Variants in METTL16 observed in about 807,000 individuals in gnomAD.
METTL16 encodes the protein methyltransferase 16, RNA N6-adenosine.
METTL16 carries 19 observed loss-of-function variants against 57.9 expected under a neutral mutation model. The observed-to-expected ratio is 0.33, with a 90% CI of 0.23 to 0.48. The LOEUF (loss-of-function observed/expected upper bound fraction) is 0.48. METTL16 is among the 20% of genes least tolerant of loss of function. The pLI is 0.99. For synonymous variants in METTL16, 246 were observed against 255.6 expected, an observed-to-expected ratio of 0.96 and a Z score of 0.36; for missense variants, 434 against 691.5, an observed-to-expected ratio of 0.63 and a Z score of 4.18.
In METTL16 at chr17:2,416,716, T is replaced by C. The variant is rs2066719164; in HGVS notation, c.*3254A>G. On this transcript the variant is annotated 3_prime_UTR_variant, in exon 10 of 10. Coordinates refer to ENST00000263092, the MANE Select transcript of METTL16 (RefSeq NM_024086.4). Reference sequence around the variant, plus strand: ...GCCGATTCTAGGGACCAGAAGAGAATGTAGGGTCACATCACCAAGATTTAA... The same window carrying C: ...GCCGATTCTAGGGACCAGAAGAGAACGTAGGGTCACATCACCAAGATTTAA... The C allele has an allele frequency of 6.6e-6, 1 of 152,192 alleles. No homozygotes were observed. The highest frequency in any genetic ancestry group is 2.4e-5 in the African/African-American group (1 of 41,440). The allele number at this position is 152,192 out of a possible 1,614,324, so 9.4% of individuals were successfully genotyped here. A position where few individuals can be genotyped will look rare whatever the true frequency, so the allele number is the denominator to read the frequency against.
intron 6 of METTL16, among the ~76,000 whole-genome samples, chr17:2,447,571 G>C (rs2067012614): frequency 8.8e-6 from 1 of 114,202 alleles, no homozygotes; most frequent in African/African-American, 5.0e-5. Flanking sequence ...CGTCCAGGAG[G>C]GAGGTGGGGG....
intron 6 of METTL16, among the ~76,000 whole-genome samples, chr17:2,459,200 A>G: frequency 6.6e-6 from 1 of 152,230 alleles, no homozygotes; most frequent in East Asian, 1.9e-4. Flanking sequence ...GTAAATCCTC[A>G]TCAACGACAG....
chr17:2,468,563 A>G (rs1449179757), intron 4 of METTL16, among the ~76,000 whole-genome samples: 1 of 152,212 alleles, frequency 6.6e-6, no homozygotes, highest in Non-Finnish European at 1.5e-5. Context: ...ACCCATAGGA[A>G]CTAGGAGATA....
At chr17:2,483,346 A>C (rs2067320217) in intron 2 of METTL16, among the ~76,000 whole-genome samples, 1 of 152,234 alleles carries the variant, frequency 6.6e-6, no homozygotes, top group South Asian at 2.1e-4. Context: ...GATGGAGGTC[A>C]AGAGAATAAT....
chr17:2,449,260 A>G (rs2067050745), intron 6 of METTL16, among the ~76,000 whole-genome samples: 1 of 152,214 alleles, frequency 6.6e-6, no homozygotes, highest in Non-Finnish European at 1.5e-5. Context: ...TAAGGTATCA[A>G]TTCTTTCCAA....
chr17:2,426,247 G>C (rs946166425), intron 8 of METTL16, among the ~76,000 whole-genome samples: 1 of 152,052 alleles, frequency 6.6e-6, no homozygotes, highest in Non-Finnish European at 1.5e-5. Context: ...AAAAGAGATA[G>C]GGAGTTACAA....
intron 8 of METTL16, among the ~76,000 whole-genome samples, chr17:2,423,301 TG>T (rs2066782365): frequency 7.1e-6 from 1 of 141,550 alleles, no homozygotes; most frequent in Non-Finnish European, 1.5e-5. Flanking sequence ...TGTGTGTGTG[TG>T]TTTGAAGAAC....
intron 2 of METTL16, among the ~76,000 whole-genome samples, chr17:2,489,183 C>A (rs1597466924): frequency 8.7e-6 from 1 of 115,034 alleles, no homozygotes; most frequent in South Asian, 3.3e-4. Context: ...ATCTTGAACT[C>A]CTGGCCTCAA....
At chr17:2,501,728 G>GTGT (rs536242942) in intron 2 of METTL16, among the ~76,000 whole-genome samples, 1 of 151,992 alleles carries the variant, frequency 6.6e-6, no homozygotes, top group South Asian at 2.1e-4. Context: ...TGTGGTGGCG[G>GTGT]GCGCCTGTAA....
intron 1 of METTL16, among the ~76,000 whole-genome samples, chr17:2,509,941 G>C (rs1161293167): frequency 6.6e-6 from 1 of 151,668 alleles, no homozygotes; most frequent in South Asian, 2.1e-4. Context: ...GCTGGGCGTG[G>C]TGGTGGGTGC....
At chr17:2,426,089 G>A (rs527319124) in intron 8 of METTL16, among the ~76,000 whole-genome samples, 1 of 149,554 alleles carries the variant, frequency 6.7e-6, no homozygotes, top group Non-Finnish European at 1.5e-5. Context: ...TCTAGTATTT[G>A]CAGGAAGAGA....
Position 2,477,913 on chromosome 17 carries a change from C to G in METTL16, c.129-28G>C, listed in dbSNP as rs139882773. The G allele has an allele frequency of 3.5e-4, 556 of 1,582,050 alleles. 2 individuals are homozygous for G. In the African/African-American group the frequency reaches 6.1e-3, roughly 17 times the overall value. ...GAGGAATAAAGAAAAGGAAGTAAAA[C>G]TGATTAGTAAGATTCACTATGTTGT... is the stretch of plus-strand genomic sequence containing the variant. On this transcript the variant is annotated intron_variant, in intron 2 of 9. Transcript: ENST00000263092.
intron 8 of METTL16, chr17:2,424,206 C>CG (rs1449568438): frequency 6.7e-6 from 1 of 149,956 alleles, no homozygotes; most frequent in African/African-American, 2.4e-5. Flanking sequence ...CTCCGCCTCC[C>CG]GGGTTCACGC....
At chr17:2,452,256 C>T (rs1385518327) in intron 6 of METTL16, among the ~76,000 whole-genome samples, 2 of 151,866 alleles carry the variant, frequency 1.3e-5, no homozygotes, top group Non-Finnish European at 2.9e-5. Context: ...AATAGACACT[C>T]GGGAGGGAGT....
intron 6 of METTL16, among the ~76,000 whole-genome samples, chr17:2,444,101 A>T (rs577468128): frequency 6.6e-6 from 1 of 152,334 alleles, no homozygotes; most frequent in East Asian, 1.9e-4. Flanking sequence ...AAATACATAC[A>T]GCCATGAGTC....
chr17:2,471,466 ACCAAC>A (rs951147875), intron 4 of METTL16, among the ~76,000 whole-genome samples: 1 of 152,146 alleles, frequency 6.6e-6, no homozygotes, highest in Non-Finnish European at 1.5e-5. Context: ...TGGATATAAT[ACCAAC>A]AGTACTGTAT....
intron 1 of METTL16, among the ~76,000 whole-genome samples, chr17:2,504,249 G>C (rs1324886173): frequency 3.3e-5 from 5 of 152,162 alleles, no homozygotes; most frequent in Non-Finnish European, 7.4e-5. Context: ...TGTTTAATAG[G>C]TACAGAGTTT....
chr17:2,472,137 G>T (rs1378437432), intron 4 of METTL16, among the ~76,000 whole-genome samples: 1 of 150,806 alleles, frequency 6.6e-6, no homozygotes, highest in Admixed American at 6.6e-5. Flanking sequence ...AGGGCAAAAG[G>T]CCTGAACAGA....
intron 1 of METTL16, 82 bp downstream of exon 1, chr17:2,511,677 A>T: frequency 2.5e-6 from 1 of 394,812 alleles, no homozygotes; most frequent in Non-Finnish European, 4.5e-6. Context: ...CTAGCCCAAA[A>T]CTCAAGAATG....
Sources: allele counts gnomAD v4.1 joint callset (sites outside exome capture counted in the v4.1 genomes callset), GRCh38; gene constraint gnomAD v4.1.1; transcripts MANE v1.5; gene names NCBI Gene and HGNC (gene_info 2026-07-23, HGNC 2026-07-21).